Variants in PTPRE observed in about 807,000 individuals in gnomAD.
PTPRE encodes receptor-type tyrosine-protein phosphatase epsilon.
A neutral mutation model predicts 102.0 loss-of-function variants in PTPRE; 51 were observed. The observed-to-expected ratio is 0.50, with a 90% CI of 0.40 to 0.63. The LOEUF (loss-of-function observed/expected upper bound fraction) is 0.63. Ranked by LOEUF, PTPRE falls within the 30% of genes least tolerant of loss-of-function variation. The pLI is 0.00. For synonymous variants in PTPRE, 345 were observed against 348.2 expected, an observed-to-expected ratio of 0.99 and a Z score of 0.10; for missense variants, 752 against 915.1, an observed-to-expected ratio of 0.82 and a Z score of 2.30.
At chr10:127,909,719 T>C (rs576794737) in intron 1 of PTPRE, among the ~76,000 whole-genome samples, 2 of 152,364 alleles carry the variant, frequency 1.3e-5, no homozygotes, top group South Asian at 4.1e-4. Context: ...TGCCCAGCCA[T>C]GTGCCTACCA....
chr10:127,993,461 G>T (rs1348511538), intron 2 of PTPRE, among the ~76,000 whole-genome samples: 4 of 152,130 alleles, frequency 2.6e-5, no homozygotes, highest in Non-Finnish European at 4.4e-5. Context: ...GACGGGGATG[G>T]GGGGCCAGGG....
chr10:128,003,570 T>A (rs1452874963), intron 2 of PTPRE, among the ~76,000 whole-genome samples: 1 of 152,176 alleles, frequency 6.6e-6, no homozygotes, highest in Non-Finnish European at 1.5e-5. Flanking sequence ...TGTGAAATAA[T>A]CCTGAATAGC....
At chr10:128,021,507 C>T (rs914528872) in intron 2 of PTPRE, among the ~76,000 whole-genome samples, 2 of 152,226 alleles carry the variant, frequency 1.3e-5, no homozygotes, top group African/African-American at 4.8e-5. Context: ...CTCGGGGCAC[C>T]GCCATGCTCC....
intron 1 of PTPRE, among the ~76,000 whole-genome samples, chr10:127,970,867 A>G (rs141827850): frequency 5.3e-4 from 81 of 151,954 alleles, no homozygotes; most frequent in African/African-American, 1.9e-3. Context: ...GGGTCACTTC[A>G]TTTCAATTAT....
chr10:127,977,706 C>A (rs926737616), intron 1 of PTPRE, among the ~76,000 whole-genome samples: 1 of 152,188 alleles, frequency 6.6e-6, no homozygotes, highest in South Asian at 2.1e-4. Context: ...AACGTCGCTC[C>A]GTCTTTCCAT....
At position 128,070,484 on chromosome 10, in the gene PTPRE, G is replaced by T. The variant is rs968458535; in HGVS notation, c.1293+34G>T. On this transcript the variant is annotated intron_variant, in intron 14 of 20. Coordinates refer to ENST00000254667, the MANE Select transcript of PTPRE (RefSeq NM_006504.6). This position sits in a 1 kb window ranked among gnomAD's most constrained non-coding sequence, Gnocchi z 4.8. ...AGCTGACCCTCCTCTCCATCCTGGT[G>T]TAAGCAGCCAAGGGCACGAGGAAAA... The T allele has an allele frequency of 1.2e-6, 2 of 1,602,478 alleles. No individual in the cohort carries two copies. Among genetic ancestry groups the T allele is most frequent in the African/African-American group, 1.3e-5 (1 of 74,650 alleles).
At chr10:127,978,787 G>A (rs568249228) in intron 1 of PTPRE, among the ~76,000 whole-genome samples, 33 of 152,230 alleles carry the variant, frequency 2.2e-4, no homozygotes, top group South Asian at 1.2e-3. Context: ...TTGGGAGGCC[G>A]AGGAGGGTGG....
At chr10:128,013,759 G>A (rs181923923) in intron 2 of PTPRE, among the ~76,000 whole-genome samples, 7 of 152,262 alleles carry the variant, frequency 4.6e-5, no homozygotes, top group South Asian at 2.1e-4. Flanking sequence ...CACCACATCC[G>A]CTGGCACCTT....
At chr10:127,927,382 C>T (rs10830197) in intron 1 of PTPRE, among the ~76,000 whole-genome samples, 20,406 of 152,208 alleles carry the variant, frequency 0.13, 1,522 homozygotes, top group East Asian at 0.25. Context: ...TGGCAAGACA[C>T]TCCGCATGAG....
At chr10:127,985,671 G>A (rs574053868) in intron 2 of PTPRE, among the ~76,000 whole-genome samples, 2 of 152,322 alleles carry the variant, frequency 1.3e-5, no homozygotes, top group East Asian at 3.9e-4. Context: ...CATGGCAACT[G>A]TTTCCAACTT....
intron 1 of PTPRE, among the ~76,000 whole-genome samples, chr10:127,947,180 A>G (rs1186226013): frequency 2.6e-5 from 4 of 152,220 alleles, no homozygotes; most frequent in Admixed American, 1.3e-4. Context: ...GCATTGTTCA[A>G]TTGTTTTTAT....
At chr10:128,065,906 A>G (rs138331563) in intron 10 of PTPRE, among the ~76,000 whole-genome samples, 169 bp from the exon 11 acceptor site, 17 of 152,302 alleles carry the variant, frequency 1.1e-4, no homozygotes, top group African/African-American at 4.1e-4. Flanking sequence ...CCAGTTACGC[A>G]GCCTCAGTTT....
intron 2 of PTPRE, among the ~76,000 whole-genome samples, chr10:127,984,532 G>A (rs183327576): frequency 2.6e-5 from 4 of 152,286 alleles, no homozygotes; most frequent in Admixed American, 2.6e-4. Context: ...CTTGTCTGCT[G>A]CCTTTGTTTG....
chr10:127,993,487 G>A (rs1404815210), intron 2 of PTPRE, among the ~76,000 whole-genome samples: 1 of 152,148 alleles, frequency 6.6e-6, no homozygotes, highest in Non-Finnish European at 1.5e-5. Context: ...GCTCCTGGAG[G>A]GGGCGAGGGA....
intron 2 of PTPRE, among the ~76,000 whole-genome samples, chr10:128,037,620 G>A (rs1847322553): frequency 6.6e-6 from 1 of 152,168 alleles, no homozygotes; most frequent in Non-Finnish European, 1.5e-5. Flanking sequence ...TAAAAAGACA[G>A]ATTTATAATG....
intron 1 of PTPRE, among the ~76,000 whole-genome samples, chr10:127,946,399 A>T (rs1848625750): frequency 8.9e-6 from 1 of 112,584 alleles, no homozygotes; most frequent in Non-Finnish European, 2.0e-5. Flanking sequence ...ATATACAAGG[A>T]TGTTTATTGC....
intron 1 of PTPRE, among the ~76,000 whole-genome samples, chr10:127,950,544 T>G (rs1248178106): frequency 6.6e-6 from 1 of 151,768 alleles, no homozygotes; most frequent in African/African-American, 2.4e-5. Flanking sequence ...CTGGGGGGAG[T>G]GCCAGCATCC....
chr10:127,917,476 G>A (rs780687509), intron 1 of PTPRE, among the ~76,000 whole-genome samples: 4 of 152,026 alleles, frequency 2.6e-5, no homozygotes, highest in Non-Finnish European at 5.9e-5. Context: ...GAGGCTAGGA[G>A]TTTGAGACCA....
At chr10:127,946,016 G>A (rs972932192) in intron 1 of PTPRE, among the ~76,000 whole-genome samples, 10 of 152,092 alleles carry the variant, frequency 6.6e-5, no homozygotes, top group Admixed American at 2.6e-4. Context: ...GTGTGTGGCT[G>A]CATCTGGCAC....
Sources: allele counts gnomAD v4.1 joint callset (sites outside exome capture counted in the v4.1 genomes callset), GRCh38; gene constraint gnomAD v4.1.1; non-coding constraint Gnocchi (gnomAD v3.1); transcripts MANE v1.5; gene names NCBI Gene and HGNC (gene_info 2026-07-23, HGNC 2026-07-21).